Variants in CLSTN1 observed in about 807,000 individuals in gnomAD.
The protein encoded by CLSTN1 is calsyntenin-1.
CLSTN1 carries 28 observed loss-of-function variants against 108.3 expected under a neutral mutation model. The observed-to-expected ratio is 0.26, with a 90% CI of 0.19 to 0.35. The LOEUF is 0.35. CLSTN1 is among the 10% of genes least tolerant of loss of function. CLSTN1 has a pLI of 1.00. For synonymous variants in CLSTN1, 524 were observed against 534.9 expected, an observed-to-expected ratio of 0.98 and a Z score of 0.28; for missense variants, 1,157 against 1,302.6, an observed-to-expected ratio of 0.89 and a Z score of 1.72.
intron 1 of CLSTN1, among the ~76,000 whole-genome samples, chr1:9,806,970 A>G (rs942880443): frequency 2.0e-5 from 3 of 151,206 alleles, no homozygotes; most frequent in Admixed American, 1.3e-4. Flanking sequence ...CTTTCATTCT[A>G]TTTTGGACTA....
intron 10 of CLSTN1, among the ~76,000 whole-genome samples, chr1:9,740,160 A>C (rs1650904218): frequency 6.8e-6 from 1 of 147,796 alleles, no homozygotes; most frequent in Non-Finnish European, 1.5e-5. Context: ...CCTGGGTTCA[A>C]CCGATTCTCC....
chr1:9,804,523 A>G (rs923877750), intron 1 of CLSTN1, among the ~76,000 whole-genome samples: 9 of 152,002 alleles, frequency 5.9e-5, no homozygotes, highest in Non-Finnish European at 1.0e-4. Flanking sequence ...GAGTTCAATA[A>G]TGAACTCCAC....
intron 1 of CLSTN1, among the ~76,000 whole-genome samples, chr1:9,797,825 G>A (rs942475792): frequency 5.9e-5 from 9 of 152,082 alleles, no homozygotes; most frequent in Admixed American, 3.9e-4. Context: ...ACTGATTGGC[G>A]GTTCCTCAAT....
Position 9,730,082 on chromosome 1 carries a change from G to GA in CLSTN1, c.*425dup, listed in dbSNP as rs1018013028. 9.5e-6 allele frequency: 2 copies of GA among 210,050 alleles called. No homozygotes were observed. Among genetic ancestry groups the GA allele is most frequent in the Non-Finnish European group, 2.0e-5 (2 of 101,310 alleles). The allele number at this position is 210,050 out of a possible 1,614,324, so 13.0% of individuals were successfully genotyped here. A position where few individuals can be genotyped will look rare whatever the true frequency, so the allele number is the denominator to read the frequency against. On this transcript the variant is annotated 3_prime_UTR_variant, in exon 19 of 19. Coordinates refer to ENST00000377298, the MANE Select transcript of CLSTN1 (RefSeq NM_001009566.3). This position sits in a 1 kb window ranked among gnomAD's most constrained non-coding sequence, Gnocchi z 5.6. ...CATTATTTATACATGCACTAGTTTG[G>GA]AAAAAATAAAAACTTTTTTTAAAAA...
At chr1:9,749,124 A>T (rs1243148080) in intron 7 of CLSTN1, among the ~76,000 whole-genome samples, 1 of 148,908 alleles carries the variant, frequency 6.7e-6, no homozygotes, top group African/African-American at 2.5e-5. Flanking sequence ...GGCTGGTCTC[A>T]AACTCCTGGG....
chr1:9,824,400 C>T (rs1655331732), upstream of CLSTN1: 1 of 152,072 alleles, frequency 6.6e-6, no homozygotes, highest in African/African-American at 2.4e-5. The surrounding 1 kb of genome is among the most constrained non-coding windows in gnomAD (Gnocchi z 5.0). Flanking sequence ...GAGCGCAGAC[C>T]CCGGCGGAGC....
intron 1 of CLSTN1, among the ~76,000 whole-genome samples, chr1:9,815,414 A>G (rs1654930539): frequency 6.6e-6 from 1 of 152,198 alleles, no homozygotes; most frequent in Non-Finnish European, 1.5e-5. Context: ...TCAAAGTCTA[A>G]AGTCCAGAGT....
rs143863028 is a variant in CLSTN1 at position 9,788,063 on chromosome 1, C to T, written c.92-14669G>A. Among the ~76,000 whole-genome samples the T allele has an allele frequency of 4.4e-3, 662 of 151,208 alleles. 11 individuals are homozygous for T. Among genetic ancestry groups the T allele is most frequent in the African/African-American group, 0.015 (617 of 41,436 alleles). ...TGAGTTCAGGAGTTCAAGATCAGCCCGGCCAACCTGGCGAGACCCCGTCTC... is the reference window on the plus strand; with the variant it reads ...TGAGTTCAGGAGTTCAAGATCAGCCTGGCCAACCTGGCGAGACCCCGTCTC... On this transcript the variant is annotated intron_variant, in intron 1 of 18. Coordinates refer to ENST00000377298, the MANE Select transcript of CLSTN1 (RefSeq NM_001009566.3).
At chr1:9,754,866 CA>C (rs1438922560) in intron 4 of CLSTN1, among the ~76,000 whole-genome samples, 1 of 152,024 alleles carries the variant, frequency 6.6e-6, no homozygotes, top group African/African-American at 2.4e-5. Flanking sequence ...AAAAAACAAA[CA>C]AAAACAACCC....
rs199917305 is a variant in CLSTN1, at chr1:9,744,621, C to G, written c.1008G>C (p.Glu336Asp). The change falls in exon 8 of 19, where the codon GAG (glutamate) becomes GAC (aspartate). Residue 336 changes from glutamate to aspartate, a missense_variant. Physicochemically the swap from Glu to Asp is conservative, Grantham distance 45. Coordinates refer to ENST00000377298, the MANE Select transcript of CLSTN1 (RefSeq NM_001009566.3). ...RLCGAAAGTA[E>D]LLPSPSGSLN... ...GGGATCCACTCGGGGATGGCAGCAG[C>G]TCGGCAGTGCCCGCGGCCGCACCTG... 1 of 1,612,010 alleles carries G rather than the reference C, an allele frequency of 6.2e-7. No homozygotes were observed. Among genetic ancestry groups the G allele is most frequent in the East Asian group, 2.2e-5 (1 of 44,868 alleles).
Position 9,781,233 on chromosome 1 carries a change from C to T in CLSTN1, c.92-7839G>A, listed in dbSNP as rs1653228807. 5.2e-6 allele frequency: 4 copies of T among 765,784 alleles called. No homozygotes were observed. The Admixed American group carries it at 6.3e-5, about 12-fold the overall frequency. The allele number at this position is 765,784 out of a possible 1,614,324, so 47.4% of individuals were successfully genotyped here. On this transcript the variant is annotated intron_variant, in intron 1 of 18. Coordinates refer to ENST00000377298, the MANE Select transcript of CLSTN1 (RefSeq NM_001009566.3). ...GCACTAAAGGCTGCTGAAAATATGA[C>T]AAGCTGATTTTCTGGGGAAATTCTG...
At chr1:9,801,055 T>G (rs1654243554) in intron 1 of CLSTN1, among the ~76,000 whole-genome samples, 1 of 151,950 alleles carries the variant, frequency 6.6e-6, no homozygotes, top group Non-Finnish European at 1.5e-5. Flanking sequence ...GAGACCACCC[T>G]GACCAACATG....
chr1:9,735,851 C>T (rs1557690761), intron 12 of CLSTN1, 34 bp downstream of exon 12: 3 of 1,612,174 alleles, frequency 1.9e-6, no homozygotes, highest in Non-Finnish European at 1.7e-6. Flanking sequence ...CTAAGGGGCC[C>T]ATGAGTGGTG....
chr1:9,817,041 G>A (rs998342834), intron 1 of CLSTN1, among the ~76,000 whole-genome samples: 8 of 152,192 alleles, frequency 5.3e-5, no homozygotes, highest in African/African-American at 1.9e-4. Flanking sequence ...CTTGTCATGG[G>A]AGAATCAGAC....
chr1:9,762,960 C>CT (rs34695145), intron 2 of CLSTN1, among the ~76,000 whole-genome samples: 8 of 151,212 alleles, frequency 5.3e-5, no homozygotes, highest in East Asian at 3.9e-4. Flanking sequence ...TTCGGGGTAC[C>CT]TTTTTTTTTC....
chr1:9,823,653 C>A lies in CLSTN1; in HGVS notation c.81G>T (p.Trp27Cys). ...AGCCCCGGGGCTTACCTCGCGCGGC[C>A]CAGACCCCGCCGCCGCACAGCAGCC... ...LAGLLCGGGV[W>C]AARVNKHKPW... Residue 27 changes from tryptophan (W) to cysteine (C), a missense_variant, in exon 1 of 19, where the codon TGG becomes TGT. Transcript: ENST00000377298. The surrounding 1 kb of genome is among the most constrained non-coding windows in gnomAD (Gnocchi z 6.3). 2 of 1,179,096 alleles carry A rather than the reference C, an allele frequency of 1.7e-6. No individual in the cohort carries two copies. Among genetic ancestry groups the A allele is most frequent in the Admixed American group, 4.6e-5 (1 of 21,788 alleles). The allele number at this position is 1,179,096 out of a possible 1,614,324, so 73.0% of individuals were successfully genotyped here.
At chr1:9,765,904 C>T (rs1652307281) in intron 2 of CLSTN1, among the ~76,000 whole-genome samples, 1 of 152,044 alleles carries the variant, frequency 6.6e-6, no homozygotes, top group Non-Finnish European at 1.5e-5. Context: ...TCATGCAGGT[C>T]AACCAATTCA....
intron 3 of CLSTN1, 29 bp from the exon 4 acceptor site, chr1:9,755,338 A>C: frequency 1.3e-6 from 2 of 1,566,944 alleles, no homozygotes; most frequent in South Asian, 2.3e-5. Flanking sequence ...ACAGGTAAGA[A>C]TTCCTACCAC....
chr1:9,804,361 CAAAAAAAA>C (rs35632390), intron 1 of CLSTN1, among the ~76,000 whole-genome samples: 1 of 65,124 alleles, frequency 1.5e-5, no homozygotes, highest in Non-Finnish European at 3.4e-5. Flanking sequence ...GACTCCATCT[CAAAAAAAA>C]AAAAAAAAAA....
Sources: gnomAD v4.1 joint callset for allele counts (sites outside exome capture counted in the v4.1 genomes callset) on GRCh38, gnomAD v4.1.1 for gene constraint, Gnocchi (gnomAD v3.1) non-coding constraint, MANE v1.5 for transcripts, NCBI Gene and HGNC (gene_info 2026-07-23, HGNC 2026-07-21) for gene names.